Variants in BEAN1 observed in about 807,000 individuals in gnomAD.
The protein encoded by BEAN1 is brain expressed associated with NEDD4 1.
BEAN1 carries 17 observed loss-of-function variants against 17.7 expected under a neutral mutation model. The observed-to-expected ratio is 0.96, with a 90% CI of 0.66 to 1.44. The LOEUF (loss-of-function observed/expected upper bound fraction) is 1.44. Ranked by LOEUF, BEAN1 falls within the 40% of genes most tolerant of loss-of-function variation. The pLI, the probability that BEAN1 is intolerant of heterozygous loss-of-function variation, is 0.00. For synonymous variants in BEAN1, 142 were observed against 151.8 expected, an observed-to-expected ratio of 0.94 and a Z score of 0.47; for missense variants, 359 against 374.1, an observed-to-expected ratio of 0.96 and a Z score of 0.33.
At chr16:66,456,629 G>A (rs991236261) in intron 2 of BEAN1, among the ~76,000 whole-genome samples, 2 of 152,224 alleles carry the variant, frequency 1.3e-5, no homozygotes, top group African/African-American at 4.8e-5. Flanking sequence ...CAAGTGGAAT[G>A]TTTAATTCTA....
At chr16:66,454,926 G>A (rs1264609699) in intron 2 of BEAN1, among the ~76,000 whole-genome samples, 3 of 152,024 alleles carry the variant, frequency 2.0e-5, no homozygotes, top group Non-Finnish European at 2.9e-5. Context: ...GGGGTATGGA[G>A]GCAGTCATAG....
intron 2 of BEAN1, among the ~76,000 whole-genome samples, chr16:66,460,973 G>C (rs1007547611): frequency 3.9e-4 from 60 of 152,200 alleles, no homozygotes; most frequent in Non-Finnish European, 8.8e-5. Context: ...ACCACGTATG[G>C]TGTAAGGCAT....
chr16:66,483,772 C>T (rs1171844427), downstream of BEAN1: 3 of 152,458 alleles, frequency 2.0e-5, no homozygotes, highest in African/African-American at 7.2e-5. Context: ...GGGTGCAATC[C>T]TGAAGGAGGG....
intron 4 of BEAN1, among the ~76,000 whole-genome samples, chr16:66,492,465 A>C (rs1051740878): frequency 3.3e-5 from 5 of 151,472 alleles, no homozygotes; most frequent in African/African-American, 1.2e-4. Context: ...TTTGAGATGG[A>C]GTCTCGCTGT....
chr16:66,458,807 T>A (rs1962971124), intron 2 of BEAN1, among the ~76,000 whole-genome samples: 2 of 152,202 alleles, frequency 1.3e-5, no homozygotes, highest in Non-Finnish European at 2.9e-5. Flanking sequence ...CATCCAGGTC[T>A]GCAAAAGGAC....
At chr16:66,446,750 C>T (rs953527899) in intron 2 of BEAN1, among the ~76,000 whole-genome samples, 15 of 152,172 alleles carry the variant, frequency 9.9e-5, no homozygotes, top group African/African-American at 2.7e-4. Context: ...CCCCTGGGGT[C>T]GTCACCCATG....
In BEAN1 at chr16:66,480,880, CACCCCAACCCGG is replaced by C; in HGVS notation, c.736_747del (p.Thr246_Arg249del). ...GGCCAAGGGGCTCCCAGGGCTCACCCACCCCAACCCGGGCCCCAGCCTCTGGCCCAGAGAGGA... is the reference window on the plus strand; with the variant it reads ...GGCCAAGGGGCTCCCAGGGCTCACCCGCCCCAGCCTCTGGCCCAGAGAGGA... On this transcript the variant is annotated inframe_deletion, in exon 5 of 5. Coordinates refer to ENST00000536005, the MANE Select transcript of BEAN1 (RefSeq NM_001178020.3). The C allele has an allele frequency of 6.8e-7, 1 of 1,472,938 alleles. No individual in the cohort carries two copies. Among genetic ancestry groups the C allele is most frequent in the Non-Finnish European group, 9.0e-7 (1 of 1,107,238 alleles). The allele number at this position is 1,472,938 out of a possible 1,614,324, so 91.2% of individuals were successfully genotyped here.
chr16:66,460,193 C>T (rs1963030517), intron 2 of BEAN1, among the ~76,000 whole-genome samples: 1 of 152,212 alleles, frequency 6.6e-6, no homozygotes, highest in Admixed American at 6.5e-5. Context: ...CTGGAGAGTG[C>T]CAGTTCAGGA....
At position 66,473,636 on chromosome 16, in the gene BEAN1, G is replaced by T. The variant is rs371769236; in HGVS notation, c.289+3771G>T. 2.0e-5 allele frequency among the ~76,000 whole-genome samples: 3 copies of T among 151,994 alleles called. No individual in the cohort carries two copies. Among genetic ancestry groups the T allele is most frequent in the South Asian group, 4.2e-4 (2 of 4,818 alleles). Reference sequence around the variant, plus strand: ...AGCTTGAGCTCAGGGGTTTCAGGCTGCAGTGAGCTACGATCACACCATTGC... The same window carrying T: ...AGCTTGAGCTCAGGGGTTTCAGGCTTCAGTGAGCTACGATCACACCATTGC... On this transcript the variant is annotated intron_variant, in intron 3 of 4. Transcript: ENST00000536005. This position sits in a 1 kb window ranked among gnomAD's most constrained non-coding sequence, Gnocchi z 4.5.
In BEAN1 at chr16:66,481,107, G is replaced by A; in HGVS notation, c.*182G>A. 1.9e-6 allele frequency: 1 copy of A among 524,416 alleles called. No individual in the cohort carries two copies. The highest frequency in any genetic ancestry group is 3.3e-6 in the Non-Finnish European group (1 of 306,824). The allele number at this position is 524,416 out of a possible 1,614,324, so 32.5% of individuals were successfully genotyped here. A position where few individuals can be genotyped will look rare whatever the true frequency, so the allele number is the denominator to read the frequency against. ...CATGTACACACACAGATCTAGACGT[G>A]CTCCACATATGTGTGAATATGCGCA... On this transcript the variant is annotated 3_prime_UTR_variant, in exon 5 of 5. Coordinates refer to ENST00000536005, the MANE Select transcript of BEAN1 (RefSeq NM_001178020.3). The surrounding 1 kb of genome is among the most constrained non-coding windows in gnomAD (Gnocchi z 4.1).
At chr16:66,445,825 A>T (rs1962432910) in intron 2 of BEAN1, among the ~76,000 whole-genome samples, 1 of 152,180 alleles carries the variant, frequency 6.6e-6, no homozygotes, top group African/African-American at 2.4e-5. Flanking sequence ...GGACCTGATC[A>T]TCCTGGTTGT....
At chr16:66,435,640 A>T (rs1961985918) in intron 1 of BEAN1, among the ~76,000 whole-genome samples, 1 of 152,054 alleles carries the variant, frequency 6.6e-6, no homozygotes, top group South Asian at 2.1e-4. Flanking sequence ...GGCACATGCC[A>T]CCACACCTGG....
chr16:66,483,699 G>A (rs555647602), downstream of BEAN1: 1 of 152,230 alleles, frequency 6.6e-6, no homozygotes, highest in Admixed American at 6.5e-5. Flanking sequence ...TTGAAAGTGG[G>A]GTGCAATCCA....
rs758011993 is a variant in BEAN1, at chr16:66,468,392, C to T, written c.26-1210C>T. ...GGGACCCCTCTCAGAACAGAGCCTA[C>T]GAAAGATCTGACCTTCCTGGTGCTT... is the stretch of plus-strand genomic sequence containing the variant. On this transcript the variant is annotated intron_variant, in intron 2 of 4. Coordinates refer to ENST00000536005, the MANE Select transcript of BEAN1 (RefSeq NM_001178020.3). 4.6e-5 allele frequency among the ~76,000 whole-genome samples: 7 copies of T among 152,330 alleles called. No homozygotes were observed. In the South Asian group the frequency reaches 8.3e-4, roughly 18 times the overall value.
At chr16:66,477,809 C>T (rs1345718994) in intron 4 of BEAN1, 99 bp downstream of exon 4, 31 of 1,299,374 alleles carry the variant, frequency 2.4e-5, no homozygotes, top group South Asian at 6.6e-5. Context: ...CTCTGCATGT[C>T]GTATAAATGC....
In BEAN1 at chr16:66,473,502, A is replaced by C. The variant is rs901772578; in HGVS notation, c.289+3637A>C. 6.6e-6 allele frequency among the ~76,000 whole-genome samples: 1 copy of C among 152,032 alleles called. No homozygotes were observed. The highest frequency in any genetic ancestry group is 2.4e-5 in the African/African-American group (1 of 41,406). ...GGGAGCCTTGGGAGGGTGCCAGGGA[A>C]GAGGGAAACGCACTGTGAGCAGCTG... On this transcript the variant is annotated intron_variant, in intron 3 of 4. Transcript: ENST00000536005. The surrounding 1 kb of genome is among the most constrained non-coding windows in gnomAD (Gnocchi z 4.5).
At chr16:66,445,475 CAAAAAAAAAAAAAAAAAAAAAAAAAAAA>C (rs61540693) in intron 2 of BEAN1, among the ~76,000 whole-genome samples, 1 of 49,304 alleles carries the variant, frequency 2.0e-5, no homozygotes, top group Non-Finnish European at 3.5e-5. Flanking sequence ...GACTCCGTCT[CAAAAAAAAAAAAAAAAAAAAAAAAAAAA>C]AAAAAAAAAA....
rs1044002830 is a variant in BEAN1 at position 66,471,945 on chromosome 16, G to A, written c.289+2080G>A. ...AGGTCCCCAAGCCCTGGAGGATGCC[G>A]GGTAGACCCAGGATGGTCAGTCTGC... On this transcript the variant is annotated intron_variant, in intron 3 of 4. Transcript: ENST00000536005. This position sits in a 1 kb window ranked among gnomAD's most constrained non-coding sequence, Gnocchi z 4.7. 5.9e-5 allele frequency among the ~76,000 whole-genome samples: 9 copies of A among 152,078 alleles called. No homozygotes were observed. Among genetic ancestry groups the A allele is most frequent in the African/African-American group, 1.9e-4 (8 of 41,420 alleles).
intron 1 of BEAN1, among the ~76,000 whole-genome samples, chr16:66,433,683 T>C (rs1235914760): frequency 6.6e-6 from 1 of 152,220 alleles, no homozygotes; most frequent in Admixed American, 6.5e-5. Flanking sequence ...CATCTGTGAA[T>C]TGGGGATTTG....
Sources: gnomAD v4.1 joint callset for allele counts (sites outside exome capture counted in the v4.1 genomes callset) on GRCh38, gnomAD v4.1.1 for gene constraint, Gnocchi (gnomAD v3.1) non-coding constraint, MANE v1.5 for transcripts, NCBI Gene and HGNC (gene_info 2026-07-23, HGNC 2026-07-21) for gene names.